NUP160: variants seen among roughly 807,000 people sequenced by gnomAD.
NUP160 encodes the protein nuclear pore complex protein Nup160.
Under a neutral mutation model 196.9 loss-of-function variants are expected in NUP160, and 94 were observed. The ratio of observed to expected loss-of-function variants is 0.48; its 90% confidence interval spans 0.40 to 0.57. The LOEUF (loss-of-function observed/expected upper bound fraction) is 0.57. Among genes scored for constraint, NUP160 ranks in the 20% least tolerant of loss-of-function variants. The probability of loss-of-function intolerance (pLI) is 0.00; values close to 1 mark genes in which losing one functional copy is unlikely to be tolerated. For missense variants in NUP160, 1,638 were observed against 1,748.3 expected, an observed-to-expected ratio of 0.94 and a Z score of 1.13; for synonymous variants, 605 against 619.7, an observed-to-expected ratio of 0.98 and a Z score of 0.35.
At chr11:47,831,530 A>T (rs1852071769) in intron 7 of NUP160, among the ~76,000 whole-genome samples, 1 of 152,160 alleles carries the variant, frequency 6.6e-6, no homozygotes, top group Non-Finnish European at 1.5e-5. Flanking sequence ...AAATCATAAC[A>T]GTGAGAAAAT....
At chr11:47,845,824 C>T (rs755645145) in intron 2 of NUP160, among the ~76,000 whole-genome samples, 1 of 152,172 alleles carries the variant, frequency 6.6e-6, no homozygotes, top group Non-Finnish European at 1.5e-5. Context: ...GCACACGCTA[C>T]TCCGCCTGGC....
At chr11:47,816,759 G>C (rs543820807) in intron 11 of NUP160, among the ~76,000 whole-genome samples, 4 of 145,788 alleles carry the variant, frequency 2.7e-5, no homozygotes, top group Non-Finnish European at 6.0e-5. Flanking sequence ...CTGGGCAACA[G>C]AGCGAGACCC....
At chr11:47,835,702 G>A (rs574575778) in exon 7 of NUP160, 3 of 1,605,118 alleles carry the variant, frequency 1.9e-6, no homozygotes, top group Non-Finnish European at 2.6e-6. Flanking sequence ...GTCCCATGGT[G>A]GGGGAATAAG....
intron 10 of NUP160, 37 bp downstream of exon 10, chr11:47,819,337 A>C (rs1016072124): frequency 7.1e-7 from 1 of 1,406,438 alleles, no homozygotes; most frequent in Non-Finnish European, 1.0e-6. Context: ...GATCAAAGTA[A>C]ATCATTCCCT....
intron 17 of NUP160, among the ~76,000 whole-genome samples, chr11:47,810,629 C>T (rs545557436): frequency 1.7e-4 from 26 of 151,488 alleles, no homozygotes; most frequent in Admixed American, 9.9e-4. Context: ...TCACTGCAAA[C>T]TCTGCCTCCT....
intron 2 of NUP160, among the ~76,000 whole-genome samples, chr11:47,844,455 C>T (rs1029370505): frequency 6.6e-6 from 1 of 152,208 alleles, no homozygotes; most frequent in Non-Finnish European, 1.5e-5. Flanking sequence ...TTTGTTCACT[C>T]AGCTGCAGAC....
At chr11:47,831,949 T>A (rs925335090) in intron 7 of NUP160, among the ~76,000 whole-genome samples, 2 of 124,528 alleles carry the variant, frequency 1.6e-5, no homozygotes, top group African/African-American at 6.1e-5. Context: ...GTCACCAGGC[T>A]GGAGTGCAGT....
chr11:47,802,163 T>C (rs544420303), intron 22 of NUP160, among the ~76,000 whole-genome samples: 2 of 152,196 alleles, frequency 1.3e-5, no homozygotes, highest in Non-Finnish European at 2.9e-5. Context: ...CCGGGTGGGG[T>C]GGCTCACGCC....
exon 7 of NUP160, chr11:47,835,651 C>T (rs1852157426): frequency 1.3e-6 from 2 of 1,571,810 alleles, no homozygotes; most frequent in South Asian, 1.2e-5. Context: ...TGTTTCATAC[C>T]TGTCCTCGTT....
At position 47,836,619 on chromosome 11, in the gene NUP160, A is replaced by T. The variant is rs1028213685; in HGVS notation, c.942+268T>A. Among the ~76,000 whole-genome samples, 12 of 152,302 alleles carry T rather than the reference A, an allele frequency of 7.9e-5. No homozygotes were observed. In the South Asian group the frequency reaches 1.2e-3, roughly 16 times the overall value. On this transcript the variant is annotated intron_variant, in intron 6 of 35. Transcript: ENST00000378460. ...CAAAGTGAGACTGTTTCAAAAAATT[A>T]AAAAATTTAAAAAAAAGTGAAAGGT...
chr11:47,789,752 T>C (rs1030892995), intron 29 of NUP160, among the ~76,000 whole-genome samples: 1 of 151,922 alleles, frequency 6.6e-6, no homozygotes, highest in Non-Finnish European at 1.5e-5. Flanking sequence ...ATATAACTAC[T>C]GTCTAAATTG....
rs776138457 is a variant in NUP160 at position 47,825,454 on chromosome 11, CT to C, written c.1102-3291del. ...ACCACCATGCCCAGCTAATTTTTGC[CT>C]TTTTTTTTTTTTTTTGAGACGGAGT... is the stretch of plus-strand genomic sequence containing the variant. On this transcript the variant is annotated intron_variant, in intron 7 of 35. Coordinates refer to ENST00000378460, the Ensembl canonical transcript of NUP160. 5.3e-3 allele frequency among the ~76,000 whole-genome samples: 650 copies of C among 122,814 alleles called. 5 individuals are homozygous for C. The highest frequency in any genetic ancestry group is 0.011 in the African/African-American group (369 of 32,120). 80.6% of individuals were successfully genotyped at this position (122,814 alleles called of 152,430 possible). A position where few individuals can be genotyped will look rare whatever the true frequency, so the allele number is the denominator to read the frequency against.
In NUP160 at chr11:47,838,483, G is replaced by C. The variant is rs1305998854; in HGVS notation, c.749-860C>G. ...AGCACTTTGGGAAGCTGAGGCAGGC[G>C]GATCACTTGAGGTCAGGAGTTCGAG... On this transcript the variant is annotated intron_variant, in intron 4 of 35. Coordinates refer to ENST00000378460, the Ensembl canonical transcript of NUP160. Among the ~76,000 whole-genome samples the C allele has an allele frequency of 2.6e-5, 4 of 151,914 alleles. No individual in the cohort carries two copies. In the East Asian group the frequency reaches 7.7e-4, roughly 29 times the overall value.
At chr11:47,806,446 T>A (rs2097677688) in intron 19 of NUP160, 134 bp from the exon 20 acceptor site, 1 of 631,528 alleles carries the variant, frequency 1.6e-6, no homozygotes, top group African/African-American at 1.8e-5. Context: ...CACGGGTATA[T>A]ATCCAGTGGC....
At chr11:47,822,053 A>T in intron 8 of NUP160, 34 bp downstream of exon 8, 1 of 1,372,032 alleles carries the variant, frequency 7.3e-7, no homozygotes, top group African/African-American at 1.4e-5. Flanking sequence ...TTTTTCTTGT[A>T]CTTATGTGAT....
rs180976572 is a variant in NUP160, at chr11:47,783,974, G to A, written c.3991-776C>T. On this transcript the variant is annotated intron_variant, in intron 33 of 35. Transcript: ENST00000378460. ...CTCCCAAAGCGCTGGGTTTACAGGC[G>A]TGAGTCACCGTGCCCGGCCTCCTTT... Among the ~76,000 whole-genome samples, 5 of 151,020 alleles carry A rather than the reference G, an allele frequency of 3.3e-5. No individual in the cohort carries two copies. In the East Asian group the frequency reaches 9.7e-4, roughly 29 times the overall value.
At chr11:47,818,549 C>CAAAA (rs55657302) in intron 10 of NUP160, among the ~76,000 whole-genome samples, 34,042 of 151,530 alleles carry the variant, frequency 0.22, 4,766 homozygotes, top group South Asian at 0.46. Flanking sequence ...GCAAACAAAA[C>CAAAA]AAAACAAAAC....
intron 31 of NUP160, 25 bp downstream of exon 31, chr11:47,788,157 T>G (rs369142037): frequency 1.3e-5 from 20 of 1,588,776 alleles, no homozygotes; most frequent in Admixed American, 1.8e-5. Context: ...TAGAAAAGAC[T>G]ATAAAAAAAT....
At chr11:47,836,482 C>A (rs778381220) in intron 6 of NUP160, among the ~76,000 whole-genome samples, 1 of 151,972 alleles carries the variant, frequency 6.6e-6, no homozygotes. Flanking sequence ...GGTATGGTAG[C>A]GTGCCCCTGT....
Sources: gnomAD v4.1 joint callset for allele counts (sites outside exome capture counted in the v4.1 genomes callset) on GRCh38, gnomAD v4.1.1 for gene constraint, MANE v1.5 for transcripts, NCBI Gene and HGNC (gene_info 2026-07-23, HGNC 2026-07-21) for gene names.